KCNQ3: variants seen among roughly 807,000 people sequenced by gnomAD.
KCNQ3 encodes potassium voltage-gated channel subfamily KQT member 3.
Under a neutral mutation model 92.5 loss-of-function variants are expected in KCNQ3, and 30 were observed. That is an observed-to-expected ratio of 0.32 (90% CI 0.24 to 0.44). The LOEUF is 0.44. Among genes scored for constraint, KCNQ3 ranks in the 20% least tolerant of loss-of-function variants. KCNQ3 has a pLI of 1.00. For missense variants in KCNQ3, 913 were observed against 1,140.3 expected (o/e 0.80, Z 2.87); for synonymous variants, 450 against 468.8 (o/e 0.96, Z 0.52).
chr8:132,362,247 T>C (rs1217842699), intron 1 of KCNQ3, among the ~76,000 whole-genome samples: 4 of 152,198 alleles, frequency 2.6e-5, no homozygotes, highest in Admixed American at 2.0e-4. Context: ...AAACTCAAAA[T>C]GTAACCTTTC....
intron 1 of KCNQ3, among the ~76,000 whole-genome samples, chr8:132,422,374 TC>T (rs1219713212): frequency 6.6e-5 from 10 of 152,108 alleles, no homozygotes; most frequent in Non-Finnish European, 1.2e-4. Flanking sequence ...CTGACCTGGT[TC>T]CCCACTAAGA....
chr8:132,248,122 T>C (rs1186867456), intron 1 of KCNQ3, among the ~76,000 whole-genome samples: 1 of 152,144 alleles, frequency 6.6e-6, no homozygotes, highest in African/African-American at 2.4e-5. Flanking sequence ...TACAACTCCA[T>C]GAAATGTACA....
At chr8:132,136,599 A>C (rs1161074600) in intron 12 of KCNQ3, among the ~76,000 whole-genome samples, 5 of 152,192 alleles carry the variant, frequency 3.3e-5, no homozygotes, top group African/African-American at 1.2e-4. Context: ...GAATAAGCAT[A>C]TGTGTGCAAG....
intron 9 of KCNQ3, among the ~76,000 whole-genome samples, chr8:132,150,801 T>A (rs1825613730): frequency 6.6e-6 from 1 of 152,052 alleles, no homozygotes; most frequent in African/African-American, 2.4e-5. Flanking sequence ...GGGACTGGGT[T>A]TTCTTCTGCC....
intron 3 of KCNQ3, among the ~76,000 whole-genome samples, chr8:132,182,709 G>A (rs556169389): frequency 6.6e-6 from 1 of 152,252 alleles, no homozygotes; most frequent in East Asian, 1.9e-4. Context: ...GCCTTGGATA[G>A]GTCATGCAAA....
At chr8:132,305,481 T>C (rs1448502502) in intron 1 of KCNQ3, among the ~76,000 whole-genome samples, 1 of 152,208 alleles carries the variant, frequency 6.6e-6, no homozygotes, top group Non-Finnish European at 1.5e-5. Flanking sequence ...TGAGATTTTG[T>C]TGCAGGACTA....
At chr8:132,252,887 A>G (rs906161350) in intron 1 of KCNQ3, among the ~76,000 whole-genome samples, 1 of 152,166 alleles carries the variant, frequency 6.6e-6, no homozygotes, top group African/African-American at 2.4e-5. Flanking sequence ...TATCCATCAC[A>G]GCATATAGAC....
At chr8:132,421,968 G>A (rs1423062282) in intron 1 of KCNQ3, among the ~76,000 whole-genome samples, 3 of 152,088 alleles carry the variant, frequency 2.0e-5, no homozygotes, top group Non-Finnish European at 1.5e-5. Flanking sequence ...GGATCATGAG[G>A]CCTCTAGTGC....
intron 1 of KCNQ3, among the ~76,000 whole-genome samples, chr8:132,235,514 T>A (rs1286763780): frequency 1.3e-5 from 2 of 152,004 alleles, no homozygotes; most frequent in African/African-American, 2.4e-5. Context: ...AAAAAGAAAC[T>A]TCCTGTCCAG....
chr8:132,229,275 A>G (rs2130366615), intron 1 of KCNQ3, among the ~76,000 whole-genome samples: 1 of 152,092 alleles, frequency 6.6e-6, no homozygotes, highest in East Asian at 1.9e-4. Flanking sequence ...AAAAAAAAAA[A>G]AATTCTGGAT....
chr8:132,446,953 C>T (rs979324108), intron 1 of KCNQ3, among the ~76,000 whole-genome samples: 1 of 151,826 alleles, frequency 6.6e-6, no homozygotes. Flanking sequence ...ATGTGAATGG[C>T]CTCAGAAAAT....
At chr8:132,134,536 G>A (rs1440001280) in intron 12 of KCNQ3, 148 bp from the exon 13 acceptor site, 1 of 631,334 alleles carries the variant, frequency 1.6e-6, no homozygotes, top group Middle Eastern at 4.1e-4. Context: ...AGAGGAGAGG[G>A]GAGGAGAGGA....
At chr8:132,130,099 T>G in intron 14 of KCNQ3, 103 bp from the exon 15 acceptor site, 1 of 1,336,382 alleles carries the variant, frequency 7.5e-7, no homozygotes, top group Non-Finnish European at 1.0e-6. Context: ...TTTTTTTTTT[T>G]TGAGACGAAG....
At chr8:132,286,744 G>T (rs1816689230) in intron 1 of KCNQ3, among the ~76,000 whole-genome samples, 1 of 152,168 alleles carries the variant, frequency 6.6e-6, no homozygotes, top group South Asian at 2.1e-4. Context: ...AAATTTAATT[G>T]CCACTGTGAC....
chr8:132,165,872 C>T (rs1826129746), intron 8 of KCNQ3, among the ~76,000 whole-genome samples: 1 of 152,204 alleles, frequency 6.6e-6, no homozygotes, highest in African/African-American at 2.4e-5. Context: ...GTTACCCCTT[C>T]TACTTACCTT....
intron 9 of KCNQ3, among the ~76,000 whole-genome samples, chr8:132,158,765 T>C (rs1341489775): frequency 6.6e-6 from 1 of 152,246 alleles, no homozygotes; most frequent in Non-Finnish European, 1.5e-5. Flanking sequence ...AGAAGAGTTG[T>C]GCTTACAACT....
At chr8:132,266,698 G>A (rs538217423) in intron 1 of KCNQ3, among the ~76,000 whole-genome samples, 87 of 152,242 alleles carry the variant, frequency 5.7e-4, no homozygotes, top group Non-Finnish European at 1.0e-3. Context: ...ATCTCTGAAG[G>A]CCATGTGAAA....
intron 13 of KCNQ3, among the ~76,000 whole-genome samples, chr8:132,133,190 G>A (rs1034167300): frequency 6.6e-6 from 1 of 152,028 alleles, no homozygotes; most frequent in Non-Finnish European, 1.5e-5. Flanking sequence ...AAGGTAGGGC[G>A]CTCATTTCTA....
intron 9 of KCNQ3, among the ~76,000 whole-genome samples, chr8:132,162,816 A>G (rs1826029686): frequency 6.6e-6 from 1 of 151,718 alleles, no homozygotes; most frequent in South Asian, 2.1e-4. Flanking sequence ...GGGTCCTCTC[A>G]CCTCCTCTGC....
Sources: gnomAD v4.1 joint callset for allele counts (sites outside exome capture counted in the v4.1 genomes callset) on GRCh38, gnomAD v4.1.1 for gene constraint, MANE v1.5 for transcripts, NCBI Gene and HGNC (gene_info 2026-07-23, HGNC 2026-07-21) for gene names.